PPFIBP1: variants seen among roughly 807,000 people sequenced by gnomAD.
PPFIBP1 encodes PPFIB scaffold protein 1, also known as liprin-beta-1.
A neutral mutation model predicts 137.8 loss-of-function variants in PPFIBP1; 112 were observed. That is an observed-to-expected ratio of 0.81 (90% CI 0.70 to 0.95). PPFIBP1 has a LOEUF of 0.95. Ranked by LOEUF, PPFIBP1 falls within the 40% of genes least tolerant of loss-of-function variation. The pLI, the probability that PPFIBP1 is intolerant of heterozygous loss-of-function variation, is 0.00. For synonymous variants in PPFIBP1, 378 were observed against 417.3 expected (o/e 0.91, Z 1.15); for missense variants, 1,083 against 1,196.6 (o/e 0.91, Z 1.40).
intron 1 of PPFIBP1, among the ~76,000 whole-genome samples, chr12:27,560,603 C>T (rs138075934): frequency 6.6e-6 from 1 of 152,300 alleles, no homozygotes; most frequent in African/African-American, 2.4e-5. Flanking sequence ...TTTGGTTCTT[C>T]CTGTGAGCTC....
At chr12:27,556,709 A>C (rs553385009) in intron 1 of PPFIBP1, among the ~76,000 whole-genome samples, 25 of 152,176 alleles carry the variant, frequency 1.6e-4, no homozygotes, top group Non-Finnish European at 2.6e-4. Flanking sequence ...CCTAATATTC[A>C]AGCGTTCAGC....
chr12:27,676,630 T>C (rs935648363), intron 18 of PPFIBP1, 31 bp downstream of exon 18: 10 of 1,500,930 alleles, frequency 6.7e-6, no homozygotes, highest in Non-Finnish European at 9.0e-6. Context: ...TTTGCCCTAA[T>C]TCTTCCACAA....
chr12:27,631,231 C>G (rs190640938), intron 2 of PPFIBP1, among the ~76,000 whole-genome samples: 2 of 152,142 alleles, frequency 1.3e-5, no homozygotes, highest in East Asian at 3.9e-4. Flanking sequence ...TGTTCATATC[C>G]TCATGCCTCC....
chr12:27,625,177 G>A (rs2056706273), intron 2 of PPFIBP1, among the ~76,000 whole-genome samples: 1 of 152,060 alleles, frequency 6.6e-6, no homozygotes. Context: ...TGAGCCCAGA[G>A]AGGTTGAGGC....
At chr12:27,674,118 G>A in intron 16 of PPFIBP1, 74 bp from the exon 17 acceptor site, 1 of 1,139,674 alleles carries the variant, frequency 8.8e-7, no homozygotes, top group East Asian at 2.4e-5. Flanking sequence ...AACTTATGGA[G>A]TTGTATGTGA....
intron 1 of PPFIBP1, among the ~76,000 whole-genome samples, chr12:27,545,914 G>C (rs943847715): frequency 2.0e-5 from 3 of 152,176 alleles, no homozygotes; most frequent in Non-Finnish European, 2.9e-5. Flanking sequence ...CACGGTAGTC[G>C]TATAACTTGA....
intron 2 of PPFIBP1, among the ~76,000 whole-genome samples, chr12:27,595,882 ACAAAATATATATATAT>A (rs1450016751): frequency 1.5e-3 from 131 of 88,788 alleles, no homozygotes; most frequent in African/African-American, 5.5e-3. Context: ...AACAACAACA[ACAAAATATATATATAT>A]ATATATATAT....
chr12:27,681,674 C>T lies in PPFIBP1; in HGVS notation c.2024C>T (p.Ala675Val). 6.2e-7 allele frequency: 1 copy of T among 1,614,098 alleles called. No homozygotes were observed. The part of the protein sequence containing the change: ...WIASGQTLLQ[A>V]SQQDLEKELG... Reference sequence around the variant, plus strand: ...GCATCTGGCCAAACGCTTTTGCAGGCTTCTCAACAAGATCTAGAGAAGGTG... The same window carrying T: ...GCATCTGGCCAAACGCTTTTGCAGGTTTCTCAACAAGATCTAGAGAAGGTG... The change falls in exon 22 of 30, where the codon GCT becomes GTT. Residue 675 changes from alanine (A) to valine (V), a missense_variant. Physicochemically the swap from Ala to Val is moderately conservative, Grantham distance 64 (BLOSUM62 0). Coordinates refer to ENST00000228425, the MANE Select transcript of PPFIBP1 (RefSeq NM_003622.4).
chr12:27,632,547 T>A lies in PPFIBP1; in HGVS notation c.-35-815T>A, dbSNP rs141681802. 1.6e-3 allele frequency among the ~76,000 whole-genome samples: 251 copies of A among 152,292 alleles called. 4 individuals are homozygous for A. Among genetic ancestry groups the A allele is most frequent in the African/African-American group, 5.8e-3 (242 of 41,556 alleles). On this transcript the variant is annotated intron_variant, in intron 2 of 29. Coordinates refer to ENST00000228425, the MANE Select transcript of PPFIBP1 (RefSeq NM_003622.4). ...TTTAACAGATAAACCAATGAGTAGA[T>A]TGTGATGTAATTTCAGGATAAACCC...
chr12:27,685,040 G>A (rs1027330847), intron 24 of PPFIBP1, among the ~76,000 whole-genome samples: 4 of 151,994 alleles, frequency 2.6e-5, no homozygotes, highest in Non-Finnish European at 5.9e-5. Flanking sequence ...CACATTTTGT[G>A]ACTTACGACT....
rs370645783 is a variant in PPFIBP1, at chr12:27,632,992, T to C, written c.-35-370T>C. Among the ~76,000 whole-genome samples the C allele has an allele frequency of 2.2e-4, 34 of 152,024 alleles. No homozygotes were observed. The South Asian group carries it at 6.4e-3, about 29-fold the overall frequency. Reference sequence around the variant, plus strand: ...ATAAATGAAATTAAGAGAGCAGAGATTGGGTGGGGCTGGTAAAGGGAGAAA... The same window carrying C: ...ATAAATGAAATTAAGAGAGCAGAGACTGGGTGGGGCTGGTAAAGGGAGAAA... On this transcript the variant is annotated intron_variant, in intron 2 of 29. Transcript: ENST00000228425.
intron 1 of PPFIBP1, among the ~76,000 whole-genome samples, chr12:27,555,647 A>T (rs1467011119): frequency 1.3e-5 from 2 of 152,226 alleles, no homozygotes; most frequent in Non-Finnish European, 2.9e-5. Flanking sequence ...ATGGAGAAAC[A>T]ATCACTTGGC....
intron 4 of PPFIBP1, among the ~76,000 whole-genome samples, chr12:27,645,457 TG>T (rs1264517622): frequency 6.6e-6 from 1 of 151,808 alleles, no homozygotes; most frequent in African/African-American, 2.4e-5. Context: ...TAAAAAAGTG[TG>T]GGGGGCAGGA....
At chr12:27,682,833 G>T (rs1374174711) in intron 24 of PPFIBP1, 130 bp downstream of exon 24, 5 of 1,435,066 alleles carry the variant, frequency 3.5e-6, no homozygotes, top group Non-Finnish European at 4.7e-6. Context: ...TGAACTTGAG[G>T]AGAGTGGCAG....
Position 27,693,042 on chromosome 12 carries a change from T to C in PPFIBP1, c.*160T>C. ...CAGAAAGCAGGAGTAATGTGCCGAT[T>C]CTGAAGTTGCCACAAAAAATAAGAC... is the stretch of plus-strand genomic sequence containing the variant. On this transcript the variant is annotated 3_prime_UTR_variant, in exon 30 of 30. Transcript: ENST00000228425. The C allele has an allele frequency of 1.7e-6, 2 of 1,198,738 alleles. No homozygotes were observed. The highest frequency in any genetic ancestry group is 2.2e-6 in the Non-Finnish European group (2 of 903,586). The allele number at this position is 1,198,738 out of a possible 1,614,324, so 74.3% of individuals were successfully genotyped here.
intron 1 of PPFIBP1, among the ~76,000 whole-genome samples, chr12:27,531,546 G>C (rs912155902): frequency 2.0e-5 from 3 of 151,008 alleles, no homozygotes; most frequent in African/African-American, 7.3e-5. Flanking sequence ...CAGATGATCT[G>C]CTGGCCTCAG....
intron 2 of PPFIBP1, among the ~76,000 whole-genome samples, chr12:27,627,126 A>G (rs1169695075): frequency 6.6e-6 from 1 of 152,160 alleles, no homozygotes; most frequent in African/African-American, 2.4e-5. Context: ...CAATTCTTTT[A>G]GTTATTTATA....
At chr12:27,613,597 G>A (rs527453425) in intron 2 of PPFIBP1, among the ~76,000 whole-genome samples, 1 of 152,020 alleles carries the variant, frequency 6.6e-6, no homozygotes, top group South Asian at 2.1e-4. Flanking sequence ...CAGCTGCTTG[G>A]GAGGCTGAGG....
chr12:27,635,256 T>G (rs2057573720), intron 4 of PPFIBP1, 141 bp downstream of exon 4: 10 of 771,926 alleles, frequency 1.3e-5, no homozygotes, highest in African/African-American at 1.8e-5. Context: ...TATCTTAATT[T>G]TCTTTTGACT....
Sources: gnomAD v4.1 joint callset for allele counts (sites outside exome capture counted in the v4.1 genomes callset) on GRCh38, gnomAD v4.1.1 for gene constraint, MANE v1.5 for transcripts, NCBI Gene and HGNC (gene_info 2026-07-23, HGNC 2026-07-21) for gene names.